The following NFIL3 variants were observed in gnomAD, a reference collection of about 807,000 sequenced individuals.
NFIL3 encodes the protein nuclear factor, interleukin 3 regulated, also known as nuclear factor interleukin-3-regulated protein.
In NFIL3, 5 loss-of-function variants were observed where a neutral mutation model predicts 10.0. The observed-to-expected ratio is 0.50, with a 90% CI of 0.26 to 1.06. The LOEUF (loss-of-function observed/expected upper bound fraction) is 1.06. Ranked by LOEUF, NFIL3 falls within the 50% of genes least tolerant of loss-of-function variation. The probability of loss-of-function intolerance (pLI) is 0.13; values close to 1 mark genes in which losing one functional copy is unlikely to be tolerated. For missense variants in NFIL3, 436 were observed against 547.6 expected (o/e 0.80, Z 2.03); for synonymous variants, 202 against 206.5 (o/e 0.98, Z 0.19).
upstream of NFIL3, among the ~76,000 whole-genome samples, chr9:91,424,682 C>CA (rs1258641464): frequency 6.6e-6 from 1 of 152,204 alleles, no homozygotes; most frequent in Non-Finnish European, 1.5e-5. Context: ...AAACGAGGCT[C>CA]GCTGAGGTCC....
chr9:91,417,282 A>G (rs1408891192), intron 1 of NFIL3, among the ~76,000 whole-genome samples: 6 of 152,186 alleles, frequency 3.9e-5, no homozygotes, highest in Admixed American at 6.5e-5. Flanking sequence ...TACAGATAAC[A>G]GTAAAGGAAA....
the NFIL3 span, among the ~76,000 whole-genome samples, chr9:91,463,538 GT>G: frequency 6.6e-6 from 1 of 151,700 alleles, no homozygotes; most frequent in Non-Finnish European, 1.5e-5. Context: ...TTATGTTATG[GT>G]TTACTAGTTT....
At chr9:91,466,314 C>T in the NFIL3 span, among the ~76,000 whole-genome samples, 1 of 152,134 alleles carries the variant, frequency 6.6e-6, no homozygotes, top group Non-Finnish European at 1.5e-5. Flanking sequence ...GTTAGAGTCA[C>T]TCTACCAGGT....
rs965778388 is a variant in NFIL3 at position 91,410,031 on chromosome 9, T to G, written c.704A>C (p.Asp235Ala). 1.8e-5 allele frequency: 29 copies of G among 1,612,600 alleles called. No individual in the cohort carries two copies. Among genetic ancestry groups the G allele is most frequent in the Non-Finnish European group, 1.9e-5 (23 of 1,179,974 alleles). ...GATGGACGCTGTGTAAGAGCCTCGG[T>G]CATCTCTTGGCTCCCTTGTGTAGCT... The part of the protein sequence containing the change: ...LESYTREPRD[D>A]RGSYTASIYQ... Residue 235 changes from aspartate to alanine, a missense_variant, in exon 2 of 2, where the codon GAC becomes GCC. Physicochemically the swap from Asp to Ala is moderately radical, Grantham distance 126. Transcript: ENST00000297689. This position sits in a 1 kb window ranked among gnomAD's most constrained non-coding sequence, Gnocchi z 5.7.
At chr9:91,480,751 C>A in the NFIL3 span, among the ~76,000 whole-genome samples, 8 of 152,218 alleles carry the variant, frequency 5.3e-5, no homozygotes, top group African/African-American at 1.9e-4. Flanking sequence ...AAAATGCAGG[C>A]AACAAAATGG....
chr9:91,470,065 T>A, the NFIL3 span, among the ~76,000 whole-genome samples: 4 of 152,308 alleles, frequency 2.6e-5, no homozygotes, highest in Non-Finnish European at 4.4e-5. Context: ...TAGGGAGGAT[T>A]CCCTCTTTTT....
intron 1 of NFIL3, among the ~76,000 whole-genome samples, chr9:91,411,297 C>T (rs1833543458): frequency 6.6e-6 from 1 of 152,186 alleles, no homozygotes; most frequent in Non-Finnish European, 1.5e-5. Context: ...CTAAACAGTA[C>T]ATGCATACCG....
chr9:91,456,855 G>T, the NFIL3 span, among the ~76,000 whole-genome samples: 1 of 151,984 alleles, frequency 6.6e-6, no homozygotes. Flanking sequence ...GATCCATTTT[G>T]AATTAACATT....
chr9:91,426,348 C>G (rs1178383341), upstream of NFIL3: 1 of 152,006 alleles, frequency 6.6e-6, no homozygotes, highest in East Asian at 1.9e-4. Context: ...TCCCCAGGGC[C>G]GAAGTGATGA....
At chr9:91,460,477 A>G in the NFIL3 span, among the ~76,000 whole-genome samples, 70 of 151,628 alleles carry the variant, frequency 4.6e-4, 1 homozygote, top group Admixed American at 3.3e-3. Context: ...GGGTTTCACA[A>G]TGTTGGCCAG....
At chr9:91,421,109 A>C (rs1833755544) in intron 1 of NFIL3, among the ~76,000 whole-genome samples, 1 of 152,178 alleles carries the variant, frequency 6.6e-6, no homozygotes, top group African/African-American at 2.4e-5. Flanking sequence ...AGGTGTCTGC[A>C]GGTTTCTGAA....
chr9:91,444,650 C>T, the NFIL3 span, among the ~76,000 whole-genome samples: 1 of 152,068 alleles, frequency 6.6e-6, no homozygotes, highest in Non-Finnish European at 1.5e-5. Context: ...TGGGTCTGGT[C>T]CCAGGTGGGT....
chr9:91,437,197 G>T, the NFIL3 span, among the ~76,000 whole-genome samples: 3 of 152,142 alleles, frequency 2.0e-5, no homozygotes, highest in Non-Finnish European at 4.4e-5. Flanking sequence ...CTGTGGCCTG[G>T]GGATTAAAGA....
At chr9:91,479,543 A>G in the NFIL3 span, among the ~76,000 whole-genome samples, 1 of 152,198 alleles carries the variant, frequency 6.6e-6, no homozygotes, top group Non-Finnish European at 1.5e-5. Context: ...CTGTCCTGGT[A>G]GCGAGAATTT....
At chr9:91,431,023 C>A in the NFIL3 span, among the ~76,000 whole-genome samples, 1 of 152,092 alleles carries the variant, frequency 6.6e-6, no homozygotes, top group South Asian at 2.1e-4. Flanking sequence ...GGTTGGTGAC[C>A]AAGGGAACCT....
the NFIL3 span, among the ~76,000 whole-genome samples, chr9:91,464,744 T>C: frequency 4.6e-5 from 7 of 152,078 alleles, no homozygotes; most frequent in Admixed American, 1.3e-4. Flanking sequence ...GGAGTCTTTA[T>C]CTCTGTTTCA....
At chr9:91,482,899 T>C in the NFIL3 span, among the ~76,000 whole-genome samples, 257 of 152,338 alleles carry the variant, frequency 1.7e-3, no homozygotes, top group African/African-American at 5.9e-3. Flanking sequence ...CAGAAAGGAC[T>C]GCGTCATCAC....
chr9:91,427,598 G>A (rs142994460), upstream of NFIL3, among the ~76,000 whole-genome samples: 239 of 150,488 alleles, frequency 1.6e-3, 1 homozygote, highest in African/African-American at 5.7e-3. Context: ...TTCAGTTTCT[G>A]GGAATCCATA....
At chr9:91,414,289 T>C (rs1833611531) in intron 1 of NFIL3, among the ~76,000 whole-genome samples, 1 of 152,226 alleles carries the variant, frequency 6.6e-6, no homozygotes, top group South Asian at 2.1e-4. Context: ...CCGCAACCTC[T>C]GCCTACAGGG....
Sources: allele counts gnomAD v4.1 joint callset (sites outside exome capture counted in the v4.1 genomes callset), GRCh38; gene constraint gnomAD v4.1.1; non-coding constraint Gnocchi (gnomAD v3.1); transcripts MANE v1.5; gene names NCBI Gene and HGNC (gene_info 2026-07-23, HGNC 2026-07-21).